The following SLC39A11 variants were observed in gnomAD, a reference collection of about 807,000 sequenced individuals.
SLC39A11 encodes the protein solute carrier family 39 member 11.
A neutral mutation model predicts 36.1 loss-of-function variants in SLC39A11; 33 were observed. That is an observed-to-expected ratio of 0.91 (90% confidence interval 0.69 to 1.22). The LOEUF (loss-of-function observed/expected upper bound fraction) is 1.22, where lower values mean the gene tolerates loss of function less well. SLC39A11 is among the 50% of genes most tolerant of loss of function. SLC39A11 has a pLI of 0.00. For missense variants in SLC39A11, 432 were observed against 430.3 expected (o/e 1.00, Z -0.03); for synonymous variants, 166 against 170.3 (o/e 0.97, Z 0.20).
intron 6 of SLC39A11, among the ~76,000 whole-genome samples, chr17:72,773,027 A>G (rs1430536915): frequency 6.6e-6 from 1 of 152,200 alleles, no homozygotes; most frequent in African/African-American, 2.4e-5. Flanking sequence ...TGGAGGTTGC[A>G]GTGAGCCGAG....
At position 72,880,388 on chromosome 17, in the gene SLC39A11, G is replaced by A. The variant is rs898089942; in HGVS notation, c.431-30584C>T. Among the ~76,000 whole-genome samples the A allele has an allele frequency of 4.5e-4, 69 of 152,062 alleles. 1 individual carries two copies. Among genetic ancestry groups the A allele is most frequent in the Admixed American group, 4.5e-3 (68 of 15,274 alleles). ...GTCTGAGACCAGCCTGGGCAACATG[G>A]TGAAACCCTGTCTCTACTCCCCCAC... On this transcript the variant is annotated intron_variant, in intron 5 of 9. Transcript: ENST00000255559.
intron 3 of SLC39A11, among the ~76,000 whole-genome samples, chr17:73,081,281 C>T (rs759982305): frequency 6.6e-6 from 1 of 152,118 alleles, no homozygotes; most frequent in African/African-American, 2.4e-5. Context: ...ACACCCCTTA[C>T]TCCTGCAAGA....
chr17:73,084,607 C>A (rs1265957810), intron 3 of SLC39A11, among the ~76,000 whole-genome samples: 1 of 152,032 alleles, frequency 6.6e-6, no homozygotes, highest in Non-Finnish European at 1.5e-5. Flanking sequence ...GTCAAATAAA[C>A]CTCGATTGCT....
chr17:73,072,265 A>C (rs1218022054), intron 3 of SLC39A11: 1 of 152,422 alleles, frequency 6.6e-6, no homozygotes, highest in Non-Finnish European at 1.5e-5. Context: ...GCAGGGAAAC[A>C]CAGAAGGGTA....
intron 5 of SLC39A11, among the ~76,000 whole-genome samples, chr17:72,886,816 G>A (rs566769546): frequency 2.6e-5 from 4 of 152,298 alleles, no homozygotes; most frequent in South Asian, 2.1e-4. Flanking sequence ...GCCTTCTCAC[G>A]AATGCTCCCT....
chr17:72,802,590 CAAAA>C (rs56050103), intron 6 of SLC39A11, among the ~76,000 whole-genome samples: 2 of 112,770 alleles, frequency 1.8e-5, no homozygotes, highest in Non-Finnish European at 1.7e-5. Flanking sequence ...AACTCCATCT[CAAAA>C]AAAAAAAAAA....
intron 5 of SLC39A11, among the ~76,000 whole-genome samples, chr17:72,898,377 T>A (rs917428295): frequency 5.9e-5 from 9 of 152,168 alleles, no homozygotes; most frequent in East Asian, 1.9e-4. Flanking sequence ...CCGCTGCTAC[T>A]GGGGAGGAAA....
At chr17:72,877,142 AC>A (rs2080942997) in intron 5 of SLC39A11, among the ~76,000 whole-genome samples, 2 of 152,220 alleles carry the variant, frequency 1.3e-5, no homozygotes. Flanking sequence ...GGGCACCAAC[AC>A]ACACACATAC....
intron 3 of SLC39A11, among the ~76,000 whole-genome samples, chr17:73,052,276 G>A (rs1310611431): frequency 1.3e-5 from 2 of 151,546 alleles, no homozygotes; most frequent in Admixed American, 1.3e-4. Context: ...AGACAGATAA[G>A]GATGCATGAA....
chr17:72,857,650 A>G (rs915421931), intron 5 of SLC39A11, among the ~76,000 whole-genome samples: 2 of 152,158 alleles, frequency 1.3e-5, no homozygotes, highest in Non-Finnish European at 2.9e-5. Context: ...AGCATCTGTT[A>G]TTCTTTGACT....
At chr17:72,649,350 C>A in intron 7 of SLC39A11, 82 bp from the exon 8 acceptor site, 7 of 1,274,646 alleles carry the variant, frequency 5.5e-6, no homozygotes, top group Non-Finnish European at 7.7e-6. Context: ...AGGCCAAGAC[C>A]TCCGTGGGTG....
chr17:73,004,907 C>T (rs2090097288), intron 4 of SLC39A11, among the ~76,000 whole-genome samples: 2 of 152,236 alleles, frequency 1.3e-5, no homozygotes, highest in African/African-American at 4.8e-5. Context: ...GACCAGCAGA[C>T]ACTGCAATGT....
intron 4 of SLC39A11, among the ~76,000 whole-genome samples, chr17:72,958,576 C>T (rs1424199428): frequency 6.6e-6 from 1 of 152,176 alleles, no homozygotes; most frequent in African/African-American, 2.4e-5. Flanking sequence ...GATGGCCCGG[C>T]ACAGTGGCTC....
intron 6 of SLC39A11, among the ~76,000 whole-genome samples, chr17:72,780,816 C>T (rs537915319): frequency 3.3e-5 from 5 of 152,120 alleles, no homozygotes; most frequent in South Asian, 2.1e-4. Context: ...GGAGAAACCC[C>T]GTGTCTACTA....
At chr17:72,880,094 T>A (rs1282292653) in intron 5 of SLC39A11, among the ~76,000 whole-genome samples, 1 of 152,242 alleles carries the variant, frequency 6.6e-6, no homozygotes, top group Non-Finnish European at 1.5e-5. Flanking sequence ...TCCTGCTGTT[T>A]CAGTGTGTTG....
chr17:72,774,115 G>A (rs928346149), intron 6 of SLC39A11, among the ~76,000 whole-genome samples: 3 of 152,226 alleles, frequency 2.0e-5, no homozygotes, highest in Admixed American at 2.0e-4. Flanking sequence ...GATTTCTCCA[G>A]ATAAGTAGCT....
intron 5 of SLC39A11, among the ~76,000 whole-genome samples, chr17:72,913,659 G>A (rs997346276): frequency 1.3e-5 from 2 of 152,218 alleles, no homozygotes; most frequent in East Asian, 1.9e-4. Context: ...CTGAGGACTC[G>A]CCCAAGGCTC....
At chr17:72,951,097 T>C (rs1320676902) in intron 4 of SLC39A11, among the ~76,000 whole-genome samples, 2 of 139,426 alleles carry the variant, frequency 1.4e-5, no homozygotes, top group African/African-American at 5.6e-5. Context: ...CCCCATTTCT[T>C]AAAAAAAAAA....
At chr17:72,711,311 A>G (rs2073096280) in intron 7 of SLC39A11, among the ~76,000 whole-genome samples, 1 of 152,192 alleles carries the variant, frequency 6.6e-6, no homozygotes, top group Admixed American at 6.5e-5. Context: ...AAAAATGTGA[A>G]GGGGAAAAGA....
Sources: gnomAD v4.1 joint callset for allele counts (sites outside exome capture counted in the v4.1 genomes callset) on GRCh38, gnomAD v4.1.1 for gene constraint, MANE v1.5 for transcripts, NCBI Gene and HGNC (gene_info 2026-07-23, HGNC 2026-07-21) for gene names.